The following ZFHX3 variants were observed in gnomAD, a reference collection of about 807,000 sequenced individuals.
The protein encoded by ZFHX3 is zinc finger homeobox 3.
ZFHX3 carries 42 observed loss-of-function variants against 279.1 expected under a neutral mutation model. That is an observed-to-expected ratio of 0.15 (90% CI 0.12 to 0.19). The LOEUF (loss-of-function observed/expected upper bound fraction) is 0.19, where lower values mean the gene tolerates loss of function less well. Among genes scored for constraint, ZFHX3 ranks in the 10% least tolerant of loss-of-function variants. The pLI is 1.00. For missense variants in ZFHX3, 4,981 were observed against 4,754.0 expected (o/e 1.05, Z -1.40); for synonymous variants, 2,293 against 1,957.8 (o/e 1.17, Z -4.52).
intron 2 of ZFHX3, among the ~76,000 whole-genome samples, chr16:73,457,965 G>C (rs984709974): frequency 6.6e-6 from 1 of 152,110 alleles, no homozygotes; most frequent in Admixed American, 6.5e-5. Context: ...GGGCACTTAA[G>C]CTCAGGTGTT....
chr16:73,867,824 C>T (rs1018607036), intron 1 of ZFHX3, among the ~76,000 whole-genome samples: 21 of 152,166 alleles, frequency 1.4e-4, no homozygotes, highest in African/African-American at 4.3e-4. Flanking sequence ...GAATTGGCAG[C>T]GTTCTGATAC....
intron 3 of ZFHX3, among the ~76,000 whole-genome samples, chr16:73,395,522 C>T (rs199991844): frequency 8.6e-5 from 13 of 151,862 alleles, no homozygotes; most frequent in Admixed American, 2.0e-4. Context: ...CACCCTGCAC[C>T]GTGCTCTGCT....
At chr16:73,602,804 G>A (rs992086398) in intron 2 of ZFHX3, among the ~76,000 whole-genome samples, 3 of 150,422 alleles carry the variant, frequency 2.0e-5, no homozygotes, top group African/African-American at 7.5e-5. Flanking sequence ...AAAATTAGCC[G>A]GTCGTGGTAG....
At chr16:73,121,021 A>G (rs1966493202) in intron 7 of ZFHX3, among the ~76,000 whole-genome samples, 1 of 152,172 alleles carries the variant, frequency 6.6e-6, no homozygotes, top group South Asian at 2.1e-4. Flanking sequence ...CCAATATGGC[A>G]GCTGCTAGCC....
intron 5 of ZFHX3, among the ~76,000 whole-genome samples, chr16:73,169,718 G>A (rs1203921608): frequency 6.6e-6 from 1 of 152,012 alleles, no homozygotes; most frequent in African/African-American, 2.4e-5. Flanking sequence ...GCATAGAAGT[G>A]AAATATTTCA....
intron 2 of ZFHX3, among the ~76,000 whole-genome samples, chr16:73,578,383 GAAAAAA>G (rs11442717): frequency 6.9e-6 from 1 of 144,264 alleles, no homozygotes; most frequent in Non-Finnish European, 1.5e-5. Flanking sequence ...GATGTTAAAT[GAAAAAA>G]AAAAAAACAA....
intron 5 of ZFHX3, among the ~76,000 whole-genome samples, chr16:73,151,645 G>A (rs370898029): frequency 2.0e-5 from 3 of 152,048 alleles, no homozygotes; most frequent in Non-Finnish European, 2.9e-5. Flanking sequence ...GCAGGTGCCC[G>A]AGAAATAAAA....
At chr16:73,058,157 CCCCGGGCGCCTCCACCCT>C (rs1444214529) in intron 1 of ZFHX3, among the ~76,000 whole-genome samples, 1 of 145,410 alleles carries the variant, frequency 6.9e-6, no homozygotes, top group Non-Finnish European at 1.5e-5. Context: ...GCGGGCCTCG[CCCCGGGCGCCTCCACCCT>C]CCCGGGGGTC....
At chr16:73,842,048 T>C (rs1018487538) in intron 1 of ZFHX3, among the ~76,000 whole-genome samples, 2 of 151,242 alleles carry the variant, frequency 1.3e-5, no homozygotes, top group Admixed American at 6.6e-5. Context: ...AACCCGTCTC[T>C]ACTTTAAAAA....
At chr16:73,065,802 G>GA (rs920604513) in intron 8 of ZFHX3, among the ~76,000 whole-genome samples, 10 of 151,678 alleles carry the variant, frequency 6.6e-5, no homozygotes, top group Non-Finnish European at 1.0e-4. Flanking sequence ...AAATAAAGTT[G>GA]AAAAAAAATT....
chr16:73,715,290 C>T (rs2053403385), intron 1 of ZFHX3, among the ~76,000 whole-genome samples: 1 of 152,158 alleles, frequency 6.6e-6, no homozygotes, highest in Admixed American at 6.5e-5. Context: ...TGAAGAGCAT[C>T]CAAATGAAAT....
chr16:73,667,319 T>C (rs369456979), intron 2 of ZFHX3, among the ~76,000 whole-genome samples: 1 of 152,284 alleles, frequency 6.6e-6, no homozygotes. Context: ...CATTCACTAG[T>C]TGAAGGACAC....
At chr16:72,993,568 C>CT (rs1963171345) in intron 1 of ZFHX3, among the ~76,000 whole-genome samples, 1 of 152,182 alleles carries the variant, frequency 6.6e-6, no homozygotes, top group African/African-American at 2.4e-5. Flanking sequence ...CCTCCTCACT[C>CT]TAACAGGACA....
intron 2 of ZFHX3, among the ~76,000 whole-genome samples, chr16:73,576,310 G>T (rs2051798854): frequency 6.6e-6 from 1 of 152,164 alleles, no homozygotes; most frequent in African/African-American, 2.4e-5. Flanking sequence ...CAGATTCAAA[G>T]CCCTGAAATT....
chr16:72,994,299 T>TA (rs1963199409), intron 1 of ZFHX3, among the ~76,000 whole-genome samples: 1 of 152,234 alleles, frequency 6.6e-6, no homozygotes, highest in Non-Finnish European at 1.5e-5. Context: ...AGCATTCACT[T>TA]AGACATGCAA....
intron 3 of ZFHX3, among the ~76,000 whole-genome samples, chr16:72,933,813 CTTTT>C (rs71391468): frequency 1.8e-5 from 2 of 112,454 alleles, no homozygotes; most frequent in Non-Finnish European, 3.9e-5. Flanking sequence ...TCACAACTTT[CTTTT>C]TTTTTTTTTT....
intron 2 of ZFHX3, among the ~76,000 whole-genome samples, chr16:73,462,532 A>G (rs922667119): frequency 3.9e-5 from 6 of 152,192 alleles, no homozygotes; most frequent in African/African-American, 1.4e-4. Flanking sequence ...ATCATTAAGT[A>G]TAACACTAGC....
In ZFHX3 at chr16:72,933,813, C is replaced by T. The variant is rs370063974; in HGVS notation, c.3216+16656G>A. ...TATGAAATGTTTAGCTCACAACTTT[C>T]TTTTTTTTTTTTTTTTTTTTTTTGA... is the stretch of plus-strand genomic sequence containing the variant. On this transcript the variant is annotated intron_variant, in intron 3 of 9. Transcript: ENST00000268489. Among the ~76,000 whole-genome samples, 686 of 112,420 alleles carry T rather than the reference C, an allele frequency of 6.1e-3. 10 individuals carry two copies. The highest frequency in any genetic ancestry group is 0.019 in the African/African-American group (621 of 33,492). The allele number at this position is 112,420 out of a possible 152,430, so 73.8% of individuals were successfully genotyped here.
At chr16:72,930,576 A>T (rs1959732718) in intron 3 of ZFHX3, among the ~76,000 whole-genome samples, 1 of 152,198 alleles carries the variant, frequency 6.6e-6, no homozygotes, top group African/African-American at 2.4e-5. Context: ...ATGCTTCAGA[A>T]ATTAAAGGGC....
Sources: gnomAD v4.1 joint callset for allele counts (sites outside exome capture counted in the v4.1 genomes callset) on GRCh38, gnomAD v4.1.1 for gene constraint, MANE v1.5 for transcripts, NCBI Gene and HGNC (gene_info 2026-07-23, HGNC 2026-07-21) for gene names.